The following TTC39B variants were observed in gnomAD, a reference collection of about 807,000 sequenced individuals.
The protein encoded by TTC39B is tetratricopeptide repeat protein 39B.
In TTC39B, 92 loss-of-function variants were observed where a neutral mutation model predicts 96.6. That is an observed-to-expected ratio of 0.95 (90% CI 0.80 to 1.13). TTC39B has a LOEUF of 1.13. Among genes scored for constraint, TTC39B ranks in the 50% most tolerant of loss-of-function variants. The probability of loss-of-function intolerance (pLI) is 0.00; values close to 1 mark genes in which losing one functional copy is unlikely to be tolerated. For synonymous variants in TTC39B, 367 were observed against 299.4 expected (o/e 1.23, Z -2.33); for missense variants, 955 against 809.3 (o/e 1.18, Z -2.18).
At chr9:15,292,335 C>A (rs1160588419) in intron 1 of TTC39B, among the ~76,000 whole-genome samples, 1 of 152,162 alleles carries the variant, frequency 6.6e-6, no homozygotes, top group Non-Finnish European at 1.5e-5. Flanking sequence ...TTATAACACA[C>A]AGTGCAATGA....
intron 1 of TTC39B, among the ~76,000 whole-genome samples, chr9:15,287,742 T>A (rs1563790531): frequency 6.6e-6 from 1 of 152,092 alleles, no homozygotes; most frequent in Non-Finnish European, 1.5e-5. Flanking sequence ...GTCAGGAGAT[T>A]GAGACCATCT....
intron 17 of TTC39B, among the ~76,000 whole-genome samples, chr9:15,181,381 C>A (rs1818240372): frequency 6.6e-6 from 1 of 152,148 alleles, no homozygotes; most frequent in Admixed American, 6.5e-5. Context: ...CAAAGGCTAT[C>A]ACTTATGGCA....
intron 16 of TTC39B, among the ~76,000 whole-genome samples, chr9:15,184,146 C>T (rs1330196962): frequency 1.3e-5 from 2 of 152,082 alleles, no homozygotes; most frequent in Non-Finnish European, 2.9e-5. Flanking sequence ...AAAGATGCTC[C>T]ACCACATCCA....
intron 4 of TTC39B, among the ~76,000 whole-genome samples, chr9:15,211,614 G>T (rs1409015781): frequency 6.6e-6 from 1 of 152,210 alleles, no homozygotes; most frequent in African/African-American, 2.4e-5. Flanking sequence ...GTTCCAGGTT[G>T]AAGGGGACAA....
intron 1 of TTC39B, among the ~76,000 whole-genome samples, chr9:15,268,911 C>G (rs564200751): frequency 6.2e-4 from 95 of 152,228 alleles, no homozygotes; most frequent in African/African-American, 2.2e-3. Context: ...TTAGAAAAAT[C>G]CCAAACTCAT....
chr9:15,210,310 A>T (rs1320079522), intron 5 of TTC39B, 146 bp from the exon 6 acceptor site: 8 of 596,512 alleles, frequency 1.3e-5, no homozygotes, highest in Non-Finnish European at 1.8e-5. Context: ...TAGGACACAG[A>T]TCATCCTTTT....
Position 15,186,816 on chromosome 9 carries a change from T to A in TTC39B, c.1487+128A>T. 2 of 812,270 alleles carry A rather than the reference T, an allele frequency of 2.5e-6. 1 individual carries two copies. The highest frequency in any genetic ancestry group is 4.7e-4 in the Middle Eastern group (2 of 4,258). The allele number at this position is 812,270 out of a possible 1,614,324, so 50.3% of individuals were successfully genotyped here. A position where few individuals can be genotyped will look rare whatever the true frequency, so the allele number is the denominator to read the frequency against. On this transcript the variant is annotated intron_variant, in intron 15 of 19. Transcript: ENST00000512701. Reference sequence around the variant, plus strand: ...GCTTAAGCAATCCTCCCACCTAAGCTTCCCAAGTAGCTGGGACTACAAGCA... The same window carrying A: ...GCTTAAGCAATCCTCCCACCTAAGCATCCCAAGTAGCTGGGACTACAAGCA...
chr9:15,236,870 AAGAC>A (rs1821804960), intron 2 of TTC39B, among the ~76,000 whole-genome samples: 1 of 152,364 alleles, frequency 6.6e-6, no homozygotes, highest in South Asian at 2.1e-4. Flanking sequence ...CTACATCAGA[AAGAC>A]AGAAAGACCT....
At chr9:15,235,088 A>C (rs192547313) in intron 2 of TTC39B, among the ~76,000 whole-genome samples, 1 of 152,216 alleles carries the variant, frequency 6.6e-6, no homozygotes, top group Non-Finnish European at 1.5e-5. Flanking sequence ...AACTTCTGGA[A>C]ATGAAAAATT....
exon 20 of TTC39B, chr9:15,167,486 CTCACGCCT>C (rs1817551160): frequency 6.6e-6 from 1 of 152,194 alleles, no homozygotes; most frequent in Non-Finnish European, 1.5e-5. Flanking sequence ...GGCATGGTGG[CTCACGCCT>C]GTAATCCCAG....
In TTC39B at chr9:15,188,181, A is replaced by T. The variant is rs527467898; in HGVS notation, c.1234-49T>A. 7 of 1,512,074 alleles carry T rather than the reference A, an allele frequency of 4.6e-6. No homozygotes were observed. The African/African-American group carries it at 7.0e-5, about 15-fold the overall frequency. The allele number at this position is 1,512,074 out of a possible 1,614,324, so 93.7% of individuals were successfully genotyped here. A position where few individuals can be genotyped will look rare whatever the true frequency, so the allele number is the denominator to read the frequency against. ...GATCGTCCAGATATTAGACAAGGAG[A>T]TAATAACCTAATGGAAAAATACATA... is the stretch of plus-strand genomic sequence containing the variant. On this transcript the variant is annotated intron_variant, in intron 13 of 19. Coordinates refer to ENST00000512701, the Ensembl canonical transcript of TTC39B.
intron 2 of TTC39B, among the ~76,000 whole-genome samples, chr9:15,261,804 C>A (rs1441873592): frequency 6.6e-6 from 1 of 152,166 alleles, no homozygotes; most frequent in Non-Finnish European, 1.5e-5. Context: ...CTTCACATGC[C>A]ATATCACAGT....
intron 8 of TTC39B, among the ~76,000 whole-genome samples, chr9:15,199,419 C>T (rs1055645579): frequency 2.0e-5 from 3 of 152,012 alleles, no homozygotes; most frequent in African/African-American, 7.2e-5. Context: ...AAATTAAGTT[C>T]ATTTTTACCA....
chr9:15,191,392 T>C, intron 9 of TTC39B, 137 bp from the exon 10 acceptor site: 1 of 608,944 alleles, frequency 1.6e-6, no homozygotes, highest in Non-Finnish European at 2.9e-6. Context: ...GATATTTCTG[T>C]TACCACATAC....
intron 16 of TTC39B, 126 bp downstream of exon 16, chr9:15,185,154 A>C: frequency 1.6e-6 from 2 of 1,237,980 alleles, no homozygotes; most frequent in African/African-American, 1.5e-5. Context: ...GAAATGTTCA[A>C]CTTACAACAA....
At position 15,307,074 on chromosome 9, in the gene TTC39B, C is replaced by A. The variant is rs1490529164; in HGVS notation, c.240+10G>T. On this transcript the variant is annotated intron_variant, in intron 1 of 19. Transcript: ENST00000512701. The stretch of plus-strand genomic sequence containing the variant: ...CAGGGGCCGGGCCCGCAATCCCCAT[C>A]GGATCGTACCTCGTCCGCTTCCAGC... 2.5e-6 allele frequency: 4 copies of A among 1,609,206 alleles called. No homozygotes were observed. The South Asian group carries it at 4.4e-5, about 18-fold the overall frequency.
intron 6 of TTC39B, among the ~76,000 whole-genome samples, chr9:15,208,878 T>C (rs749719568): frequency 6.6e-6 from 1 of 152,224 alleles, no homozygotes; most frequent in Non-Finnish European, 1.5e-5. Flanking sequence ...AAGTTGATAA[T>C]ACTCATCTAA....
chr9:15,172,406 C>T (rs376476459), intron 19 of TTC39B, among the ~76,000 whole-genome samples: 3 of 152,020 alleles, frequency 2.0e-5, no homozygotes, highest in African/African-American at 7.2e-5. Flanking sequence ...AAGGGCTGTA[C>T]AAATTTTGTG....
chr9:15,287,098 T>C (rs1287654426), intron 1 of TTC39B, among the ~76,000 whole-genome samples: 3 of 152,222 alleles, frequency 2.0e-5, no homozygotes, highest in Non-Finnish European at 2.9e-5. Flanking sequence ...AATGAGGATA[T>C]TGGGGGTCTG....
Sources: allele counts gnomAD v4.1 joint callset (sites outside exome capture counted in the v4.1 genomes callset), GRCh38; gene constraint gnomAD v4.1.1; transcripts MANE v1.5; gene names NCBI Gene and HGNC (gene_info 2026-07-23, HGNC 2026-07-21).